Variants in ATF7IP2 observed in about 807,000 individuals in gnomAD.
ATF7IP2 encodes activating transcription factor 7 interacting protein 2.
In ATF7IP2, 42 loss-of-function variants were observed where a neutral mutation model predicts 64.2. That is an observed-to-expected ratio of 0.65 (90% CI 0.51 to 0.85). ATF7IP2 has a LOEUF of 0.85. Among genes scored for constraint, ATF7IP2 ranks in the 40% least tolerant of loss-of-function variants. ATF7IP2 has a pLI of 0.00. For synonymous variants in ATF7IP2, 308 were observed against 272.8 expected (o/e 1.13, Z -1.27); for missense variants, 933 against 784.2 (o/e 1.19, Z -2.27).
chr16:10,407,108 A>G (rs781120636), intron 1 of ATF7IP2, among the ~76,000 whole-genome samples: 1 of 152,230 alleles, frequency 6.6e-6, no homozygotes, highest in Non-Finnish European at 1.5e-5. Context: ...CATTATATCA[A>G]CAAAATGAAG....
chr16:10,457,467 T>C lies in ATF7IP2; in HGVS notation c.1290T>C (p.Pro430=). 6.3e-7 allele frequency: 1 copy of C among 1,598,192 alleles called. No homozygotes were observed. The highest frequency in any genetic ancestry group is 1.2e-5 in the South Asian group (1 of 86,312). ...CTGTGAATTATGAGCCTTCTAACCCTTCCGAAAAAGGAAGTAAAAAAATTA... is the reference window on the plus strand; with the variant it reads ...CTGTGAATTATGAGCCTTCTAACCCCTCCGAAAAAGGAAGTAAAAAAATTA... The part of the protein sequence containing the change: ...KSSVNYEPSN[P]SEKGSKKINL... The change falls in exon 9 of 14, where the codon CCT becomes CCC. Residue 430 remains proline (P), a synonymous_variant. Transcript: ENST00000562102.
intron 9 of ATF7IP2, among the ~76,000 whole-genome samples, chr16:10,464,701 C>T (rs1028079923): frequency 2.6e-5 from 4 of 152,082 alleles, no homozygotes; most frequent in East Asian, 1.9e-4. Flanking sequence ...CATTGAATTT[C>T]GTGTGATAAG....
At chr16:10,422,829 A>G (rs2141846456) in intron 3 of ATF7IP2, among the ~76,000 whole-genome samples, 1 of 152,352 alleles carries the variant, frequency 6.6e-6, no homozygotes, top group Non-Finnish European at 1.5e-5. Context: ...TGGCACAATC[A>G]GGAGCTGCGC....
rs1031043183 is a variant in ATF7IP2 at position 10,431,110 on chromosome 16, C to T, written c.490C>T (p.Leu164=). 3.1e-6 allele frequency: 5 copies of T among 1,614,032 alleles called. No homozygotes were observed. The highest frequency in any genetic ancestry group is 3.3e-5 in the Admixed American group (2 of 60,008). Residue 164 remains leucine, a synonymous_variant, in exon 5 of 14, where the codon CTA becomes TTA. Transcript: ENST00000562102. ...TTTTGAGCATGAGGGGGCTTGTAGTCTAAAGTCCAGTTGCTGTCCACCCAG... is the reference window on the plus strand; with the variant it reads ...TTTTGAGCATGAGGGGGCTTGTAGTTTAAAGTCCAGTTGCTGTCCACCCAG... ...SLFEHEGACS[L]KSSCCPPSVL...
intron 1 of ATF7IP2, among the ~76,000 whole-genome samples, chr16:10,407,945 C>G (rs2047676994): frequency 6.6e-6 from 1 of 151,168 alleles, no homozygotes; most frequent in Non-Finnish European, 1.5e-5. Flanking sequence ...CGGAGTCTCG[C>G]TCTCTCACCA....
At chr16:10,451,488 A>G (rs1471240305) in intron 8 of ATF7IP2, among the ~76,000 whole-genome samples, 1 of 152,012 alleles carries the variant, frequency 6.6e-6, no homozygotes, top group South Asian at 2.1e-4. Context: ...ACATAGTCCC[A>G]TATTTCTTGG....
chr16:10,459,303 C>T (rs913879933), intron 9 of ATF7IP2, among the ~76,000 whole-genome samples: 36 of 151,954 alleles, frequency 2.4e-4, no homozygotes, highest in African/African-American at 8.5e-4. Flanking sequence ...GCCGTCTCTA[C>T]TAAAAATATA....
chr16:10,476,345 ATATAT>A, intron 12 of ATF7IP2, among the ~76,000 whole-genome samples: 1 of 152,322 alleles, frequency 6.6e-6, no homozygotes, highest in Non-Finnish European at 1.5e-5. Context: ...GATTCATAAA[ATATAT>A]TAGTTACATC....
intron 1 of ATF7IP2, among the ~76,000 whole-genome samples, chr16:10,404,647 G>T (rs1415448511): frequency 6.6e-6 from 1 of 152,160 alleles, no homozygotes; most frequent in African/African-American, 2.4e-5. Flanking sequence ...GGTTTAAGCA[G>T]TTCTCATGCC....
chr16:10,422,866 A>G (rs559085737), intron 3 of ATF7IP2, among the ~76,000 whole-genome samples: 1 of 152,186 alleles, frequency 6.6e-6, no homozygotes, highest in African/African-American at 2.4e-5. Flanking sequence ...TCTGCTTTCC[A>G]GGGAACAGAA....
At chr16:10,468,123 T>G (rs1334237904) in intron 9 of ATF7IP2, among the ~76,000 whole-genome samples, 1 of 128,140 alleles carries the variant, frequency 7.8e-6, no homozygotes, top group Non-Finnish European at 1.5e-5. Context: ...CAGGTGATCC[T>G]CCCACCTCCA....
intron 13 of ATF7IP2, among the ~76,000 whole-genome samples, chr16:10,481,441 C>T (rs537391340): frequency 5.3e-4 from 80 of 151,974 alleles, no homozygotes; most frequent in Non-Finnish European, 9.3e-4. Flanking sequence ...CGCACCACCA[C>T]GCACAGCTAA....
chr16:10,448,625 C>T (rs893557511), intron 8 of ATF7IP2: 2 of 152,132 alleles, frequency 1.3e-5, no homozygotes, highest in Non-Finnish European at 2.9e-5. Context: ...TGAGACTTTG[C>T]TGAAGTTGCT....
chr16:10,427,356 C>G (rs2048105800), intron 3 of ATF7IP2, among the ~76,000 whole-genome samples: 1 of 152,110 alleles, frequency 6.6e-6, no homozygotes, highest in Non-Finnish European at 1.5e-5. Context: ...TGGCTAAAAT[C>G]AAATCTGGCA....
intron 3 of ATF7IP2, among the ~76,000 whole-genome samples, chr16:10,420,377 A>C (rs1291693212): frequency 2.0e-5 from 3 of 152,252 alleles, no homozygotes; most frequent in Non-Finnish European, 4.4e-5. Context: ...CATTTGCCAA[A>C]GAGAATTAGG....
intron 1 of ATF7IP2, chr16:10,386,558 A>C (rs2047207984): frequency 6.6e-6 from 1 of 152,124 alleles, no homozygotes; most frequent in African/African-American, 2.4e-5. Flanking sequence ...GAGTTGTTTT[A>C]ATCATCTAAT....
chr16:10,454,438 A>T (rs2049100516), intron 8 of ATF7IP2: 1 of 149,082 alleles, frequency 6.7e-6, no homozygotes, highest in Non-Finnish European at 1.5e-5. Flanking sequence ...AAAAAAAAAA[A>T]TTCACTTGTC....
chr16:10,446,485 C>T lies in ATF7IP2; in HGVS notation c.1194+6023C>T, dbSNP rs529577947. ...TTTAGGGGGTGAAGGAGTACAGGTC[C>T]TTGCCACCAACATAGGGCATAACCT... On this transcript the variant is annotated intron_variant, in intron 8 of 13. Coordinates refer to ENST00000562102, the MANE Select transcript of ATF7IP2 (RefSeq NM_001393719.1). 2.0e-5 allele frequency: 3 copies of T among 152,258 alleles called. No individual in the cohort carries two copies. In the South Asian group the frequency reaches 6.2e-4, roughly 32 times the overall value. 9.4% of individuals were successfully genotyped at this position (152,258 alleles called of 1,614,324 possible).
chr16:10,439,826 G>T (rs1301947640), intron 7 of ATF7IP2, among the ~76,000 whole-genome samples: 2 of 151,450 alleles, frequency 1.3e-5, no homozygotes, highest in Non-Finnish European at 2.9e-5. Context: ...GAGCCACTGC[G>T]CCCGGCCGAA....
Sources: gnomAD v4.1 joint callset for allele counts (sites outside exome capture counted in the v4.1 genomes callset) on GRCh38, gnomAD v4.1.1 for gene constraint, MANE v1.5 for transcripts, NCBI Gene and HGNC (gene_info 2026-07-23, HGNC 2026-07-21) for gene names.